Variants in CTIF observed in about 807,000 individuals in gnomAD.
The protein encoded by CTIF is CBP80/20-dependent translation initiation factor.
A neutral mutation model predicts 66.0 loss-of-function variants in CTIF; 21 were observed. The observed-to-expected ratio is 0.32, with a 90% CI of 0.23 to 0.46. The LOEUF (loss-of-function observed/expected upper bound fraction) is 0.46, where lower values mean the gene tolerates loss of function less well. Ranked by LOEUF, CTIF falls within the 20% of genes least tolerant of loss-of-function variation. CTIF has a pLI of 1.00. For missense variants in CTIF, 739 were observed against 812.7 expected (o/e 0.91, Z 1.10); for synonymous variants, 345 against 326.4 (o/e 1.06, Z -0.62).
intron 10 of CTIF, among the ~76,000 whole-genome samples, chr18:48,833,315 G>A (rs1357012824): frequency 6.6e-6 from 1 of 152,212 alleles, no homozygotes; most frequent in African/African-American, 2.4e-5. Context: ...GGGAGTGGAA[G>A]TGCCCACCAG....
intron 7 of CTIF, among the ~76,000 whole-genome samples, chr18:48,723,460 G>A (rs1327182264): frequency 6.6e-6 from 1 of 152,160 alleles, no homozygotes; most frequent in Non-Finnish European, 1.5e-5. Flanking sequence ...TACTTTCCTT[G>A]TCTGGATGAT....
chr18:48,674,955 T>G (rs2091600126), intron 6 of CTIF, among the ~76,000 whole-genome samples: 1 of 151,484 alleles, frequency 6.6e-6, no homozygotes. Context: ...TTTTATGGCA[T>G]CCACACCGAG....
intron 3 of CTIF, among the ~76,000 whole-genome samples, chr18:48,653,248 A>C (rs1184803118): frequency 6.6e-6 from 1 of 152,230 alleles, no homozygotes; most frequent in Non-Finnish European, 1.5e-5. Context: ...TCAGCCCAAA[A>C]TCTCCTTAAG....
intron 6 of CTIF, among the ~76,000 whole-genome samples, chr18:48,694,017 T>G (rs1001369670): frequency 6.6e-5 from 10 of 152,288 alleles, no homozygotes; most frequent in East Asian, 5.8e-4. Context: ...TTGTGTAAAT[T>G]TTTAGTTGCT....
chr18:48,734,553 G>A (rs1399450317), intron 7 of CTIF, among the ~76,000 whole-genome samples: 1 of 152,186 alleles, frequency 6.6e-6, no homozygotes, highest in Non-Finnish European at 1.5e-5. Flanking sequence ...GTGACAGAGT[G>A]AGTGAGACTC....
rs374706625 is a variant in CTIF at position 48,540,806 on chromosome 18, G to T, written c.-29+1494G>T. Among the ~76,000 whole-genome samples the T allele has an allele frequency of 6.6e-4, 101 of 152,192 alleles. 5 individuals carry two copies. The South Asian group carries it at 0.019, about 29-fold the overall frequency. On this transcript the variant is annotated intron_variant, in intron 1 of 11. Transcript: ENST00000256413. ...CCCGATCCTCCGCGCGACCTGTCCC[G>T]CCAGCCCCCTCCTTGTCTAAGTCGG...
At chr18:48,584,020 C>G (rs1313929864) in intron 1 of CTIF, among the ~76,000 whole-genome samples, 1 of 152,152 alleles carries the variant, frequency 6.6e-6, no homozygotes, top group Non-Finnish European at 1.5e-5. Flanking sequence ...TTGTGAGAAT[C>G]GGAAATAGAC....
chr18:48,741,779 C>T (rs2092556887), intron 7 of CTIF, among the ~76,000 whole-genome samples: 1 of 152,124 alleles, frequency 6.6e-6, no homozygotes, highest in African/African-American at 2.4e-5. Context: ...AAGAAGTGGA[C>T]TTATGGGGCT....
In CTIF at chr18:48,676,040, A is replaced by T. The variant is rs546574145; in HGVS notation, c.507+5296A>T. Among the ~76,000 whole-genome samples the T allele has an allele frequency of 2.0e-5, 3 of 151,822 alleles. No homozygotes were observed. The East Asian group carries it at 5.8e-4, about 30-fold the overall frequency. ...ACCCCCCGGCACCCCCTCCCCCAGG[A>T]CCCCTTTACTCTGAGGTGTGACTTG... On this transcript the variant is annotated intron_variant, in intron 6 of 11. Coordinates refer to ENST00000256413, the MANE Select transcript of CTIF (RefSeq NM_014772.3).
chr18:48,607,845 A>G (rs926261890), intron 1 of CTIF, among the ~76,000 whole-genome samples: 2 of 152,228 alleles, frequency 1.3e-5, no homozygotes, highest in African/African-American at 4.8e-5. Flanking sequence ...AGCTGTGGCT[A>G]TCTTCAGCCA....
chr18:48,608,232 C>G (rs896396193), intron 1 of CTIF, among the ~76,000 whole-genome samples: 1 of 152,200 alleles, frequency 6.6e-6, no homozygotes, highest in Non-Finnish European at 1.5e-5. Flanking sequence ...CACTTCTTAG[C>G]TCTAGCTGAT....
At chr18:48,663,933 A>G in intron 4 of CTIF, 108 bp downstream of exon 4, 2 of 1,018,620 alleles carry the variant, frequency 2.0e-6, no homozygotes. Flanking sequence ...GGCAGAGAGA[A>G]GCAGAGTAGG....
intron 10 of CTIF, among the ~76,000 whole-genome samples, chr18:48,855,181 T>C (rs933408101): frequency 6.6e-6 from 1 of 152,164 alleles, no homozygotes; most frequent in Admixed American, 6.5e-5. Context: ...CTCTCTACAG[T>C]GTGATCAAGG....
intron 6 of CTIF, among the ~76,000 whole-genome samples, chr18:48,675,052 C>A (rs1478201919): frequency 2.9e-4 from 1 of 3,424 alleles, no homozygotes; most frequent in Admixed American, 2.8e-3. Flanking sequence ...GGGGGGTCGG[C>A]GGGGGTGGAG....
At chr18:48,692,678 C>G (rs1336522125) in intron 6 of CTIF, 1 of 152,202 alleles carries the variant, frequency 6.6e-6, no homozygotes, top group African/African-American at 2.4e-5. Flanking sequence ...CAGGTGAGAC[C>G]AACGCGGCTG....
chr18:48,790,644 C>T (rs1184828109), intron 9 of CTIF, among the ~76,000 whole-genome samples: 8 of 152,226 alleles, frequency 5.3e-5, no homozygotes, highest in African/African-American at 1.7e-4. Flanking sequence ...GGCCAGGTCT[C>T]TCATGGAGGA....
intron 3 of CTIF, among the ~76,000 whole-genome samples, chr18:48,657,315 A>G (rs8083667): frequency 0.59 from 89,406 of 152,178 alleles, 29,002 homozygotes; most frequent in East Asian, 0.85. Flanking sequence ...TTAATAATGT[A>G]TTAGCAGTCT....
chr18:48,837,437 G>A (rs1176488772), intron 10 of CTIF, among the ~76,000 whole-genome samples: 1 of 152,070 alleles, frequency 6.6e-6, no homozygotes, highest in Non-Finnish European at 1.5e-5. Context: ...AGGAGGAGGA[G>A]TGGCCTGGGA....
intron 10 of CTIF, among the ~76,000 whole-genome samples, chr18:48,849,582 C>CTTT (rs377281281): frequency 1.7e-4 from 20 of 114,432 alleles, no homozygotes; most frequent in Non-Finnish European, 2.6e-4. Flanking sequence ...CCATTTTAAA[C>CTTT]TTTTTTTTTT....
Sources: allele counts gnomAD v4.1 joint callset (sites outside exome capture counted in the v4.1 genomes callset), GRCh38; gene constraint gnomAD v4.1.1; transcripts MANE v1.5; gene names NCBI Gene and HGNC (gene_info 2026-07-23, HGNC 2026-07-21).